The following TBC1D32 variants were observed in gnomAD, a reference collection of about 807,000 sequenced individuals.
TBC1D32 encodes the protein TBC1 domain family member 32, also known as protein broad-minded.
A neutral mutation model predicts 170.3 loss-of-function variants in TBC1D32; 151 were observed. The observed-to-expected ratio is 0.89, with a 90% CI of 0.78 to 1.01. The LOEUF is 1.01. TBC1D32 is among the 50% of genes least tolerant of loss of function. The pLI, the probability that TBC1D32 is intolerant of heterozygous loss-of-function variation, is 0.00. For synonymous variants in TBC1D32, 498 were observed against 488.0 expected (o/e 1.02, Z -0.27); for missense variants, 1,464 against 1,457.1 (o/e 1.00, Z -0.08).
intron 22 of TBC1D32, among the ~76,000 whole-genome samples, chr6:121,174,526 C>T (rs1787499276): frequency 6.6e-6 from 1 of 151,962 alleles, no homozygotes; most frequent in African/African-American, 2.4e-5. Flanking sequence ...AAGAGTGGGG[C>T]GAGTGACATG....
At chr6:121,334,507 C>T, upstream of TBC1D32, 2 of 1,474,168 alleles carry the variant, frequency 1.4e-6, no homozygotes, top group Non-Finnish European at 1.8e-6. Flanking sequence ...GCACGCGCAC[C>T]CCCACCCAGC....
intron 10 of TBC1D32, among the ~76,000 whole-genome samples, chr6:121,296,413 A>G (rs1447501825): frequency 6.6e-6 from 1 of 152,024 alleles, no homozygotes. Flanking sequence ...AGGGATCCAG[A>G]CCCATGCCTC....
At chr6:121,129,863 A>G (rs764375937) in intron 25 of TBC1D32, 14 of 437,330 alleles carry the variant, frequency 3.2e-5, no homozygotes, top group South Asian at 2.3e-4. Flanking sequence ...AACAGGAAGA[A>G]CATACTTCAT....
chr6:121,240,190 A>G (rs956900210), intron 19 of TBC1D32, among the ~76,000 whole-genome samples: 4 of 151,982 alleles, frequency 2.6e-5, no homozygotes, highest in African/African-American at 7.2e-5. Context: ...TACCCCTCTC[A>G]TGAAAAGTTT....
At chr6:121,140,518 A>G (rs1398605792) in intron 24 of TBC1D32, among the ~76,000 whole-genome samples, 1 of 152,074 alleles carries the variant, frequency 6.6e-6, no homozygotes, top group Admixed American at 6.5e-5. Context: ...TTATAACCAT[A>G]TAACTTACTC....
At chr6:121,131,263 A>G (rs1781410112) in intron 25 of TBC1D32, among the ~76,000 whole-genome samples, 2 of 151,924 alleles carry the variant, frequency 1.3e-5, no homozygotes. Context: ...ACTTCCATGA[A>G]TATAAAAGTG....
At chr6:121,299,389 A>C (rs1208932783) in intron 10 of TBC1D32, 57 bp downstream of exon 10, 1 of 1,432,116 alleles carries the variant, frequency 7.0e-7, no homozygotes, top group Non-Finnish European at 9.4e-7. Flanking sequence ...AAGTTATTAC[A>C]TCATATATAT....
chr6:121,322,263 C>T (rs1809838914), intron 1 of TBC1D32, among the ~76,000 whole-genome samples: 1 of 152,050 alleles, frequency 6.6e-6, no homozygotes, highest in Non-Finnish European at 1.5e-5. Flanking sequence ...ATGTAACTTC[C>T]ACCTAAACAG....
chr6:121,234,410 A>T (rs1796099688), intron 20 of TBC1D32, among the ~76,000 whole-genome samples: 2 of 151,962 alleles, frequency 1.3e-5, no homozygotes, highest in South Asian at 2.1e-4. Flanking sequence ...GTTCATTTTT[A>T]AAAATTTTTT....
chr6:121,282,363 C>G (rs1429957792), intron 13 of TBC1D32, among the ~76,000 whole-genome samples: 3 of 151,580 alleles, frequency 2.0e-5, no homozygotes, highest in African/African-American at 4.8e-5. Context: ...CTAATATCCT[C>G]AAAACAATAG....
intron 25 of TBC1D32, chr6:121,130,043 G>A: frequency 2.8e-6 from 1 of 361,826 alleles, no homozygotes; most frequent in South Asian, 2.3e-5. Context: ...TTAAAAAGAA[G>A]ACTCTTATAT....
chr6:121,221,630 G>C (rs1794535728), intron 21 of TBC1D32, among the ~76,000 whole-genome samples: 1 of 152,186 alleles, frequency 6.6e-6, no homozygotes, highest in Non-Finnish European at 1.5e-5. Context: ...ACTTAAAGAA[G>C]TTCAGTACTT....
intron 14 of TBC1D32, among the ~76,000 whole-genome samples, chr6:121,280,297 G>C (rs993349540): frequency 2.6e-5 from 4 of 151,582 alleles, no homozygotes; most frequent in African/African-American, 7.3e-5. Flanking sequence ...TTAAAGGTCT[G>C]TCTTGCCTAT....
intron 1 of TBC1D32, among the ~76,000 whole-genome samples, chr6:121,332,928 G>T (rs750322066): frequency 6.6e-6 from 1 of 152,094 alleles, no homozygotes; most frequent in Non-Finnish European, 1.5e-5. Flanking sequence ...AAATACCAAA[G>T]AAATTAGAAA....
intron 17 of TBC1D32, among the ~76,000 whole-genome samples, chr6:121,242,576 TAA>T (rs2073010935): frequency 6.6e-6 from 1 of 152,098 alleles, no homozygotes; most frequent in South Asian, 2.1e-4. Flanking sequence ...AAAAAAATGT[TAA>T]CTGCATATGT....
chr6:121,084,338 C>G (rs538041453), intron 31 of TBC1D32, among the ~76,000 whole-genome samples: 1 of 152,102 alleles, frequency 6.6e-6, no homozygotes, highest in Non-Finnish European at 1.5e-5. Flanking sequence ...CTGTAAAGCT[C>G]TTTGCCCAGT....
intron 15 of TBC1D32, among the ~76,000 whole-genome samples, chr6:121,272,411 GA>G (rs1332267394): frequency 2.7e-5 from 4 of 150,400 alleles, no homozygotes; most frequent in African/African-American, 9.8e-5. Context: ...AAATTTACAA[GA>G]AAAAAAACAA....
chr6:121,260,811 A>T (rs1799660812), intron 15 of TBC1D32, among the ~76,000 whole-genome samples: 1 of 152,126 alleles, frequency 6.6e-6, no homozygotes, highest in Non-Finnish European at 1.5e-5. Context: ...ATTGCTGTCT[A>T]AGCCATCTGA....
chr6:121,248,826 AG>A, intron 17 of TBC1D32, among the ~76,000 whole-genome samples: 2 of 152,022 alleles, frequency 1.3e-5, no homozygotes, highest in East Asian at 3.9e-4. Flanking sequence ...AACTGCCAAC[AG>A]AAAAAAGTCC....
Sources: gnomAD v4.1 joint callset for allele counts (sites outside exome capture counted in the v4.1 genomes callset) on GRCh38, gnomAD v4.1.1 for gene constraint, MANE v1.5 for transcripts, NCBI Gene and HGNC (gene_info 2026-07-23, HGNC 2026-07-21) for gene names.